Variants in USP54 observed in about 807,000 individuals in gnomAD.
USP54 encodes the protein ubiquitin carboxyl-terminal hydrolase 54.
Under a neutral mutation model 170.5 loss-of-function variants are expected in USP54, and 87 were observed. The ratio of observed to expected loss-of-function variants is 0.51; its 90% CI spans 0.43 to 0.61. The LOEUF (loss-of-function observed/expected upper bound fraction) is 0.61, where lower values mean the gene tolerates loss of function less well. Ranked by LOEUF, USP54 falls within the 20% of genes least tolerant of loss-of-function variation. The probability of loss-of-function intolerance (pLI) is 0.00; values close to 1 mark genes in which losing one functional copy is unlikely to be tolerated. For synonymous variants in USP54, 655 were observed against 742.8 expected, an observed-to-expected ratio of 0.88 and a Z score of 1.92; for missense variants, 1,786 against 2,047.8, an observed-to-expected ratio of 0.87 and a Z score of 2.47.
intron 1 of USP54, among the ~76,000 whole-genome samples, chr10:73,601,185 T>C (rs1223268777): frequency 6.6e-6 from 1 of 152,112 alleles, no homozygotes; most frequent in Non-Finnish European, 1.5e-5. Context: ...ACAGAAGTCT[T>C]CTAATGTGGG....
upstream of USP54, among the ~76,000 whole-genome samples, chr10:73,591,888 T>A (rs1225787709): frequency 1.3e-5 from 2 of 152,178 alleles, no homozygotes. Flanking sequence ...ATCAAATCAT[T>A]TTAATAGGCA....
chr10:73,584,966 ATCCTACATG>A (rs1432906131), intron 1 of USP54, among the ~76,000 whole-genome samples: 2 of 152,150 alleles, frequency 1.3e-5, no homozygotes, highest in Non-Finnish European at 2.9e-5. Context: ...CAGTCCTCTA[ATCCTACATG>A]TCACTACCAC....
chr10:73,613,842 T>G (rs1284850181), intron 1 of USP54: 2 of 150,948 alleles, frequency 1.3e-5, no homozygotes, highest in African/African-American at 4.9e-5. Context: ...ATTGTGCCAC[T>G]GCACTCCAGC....
At chr10:73,528,074 T>C (rs1475587198) in intron 15 of USP54, among the ~76,000 whole-genome samples, 1 of 151,894 alleles carries the variant, frequency 6.6e-6, no homozygotes, top group Non-Finnish European at 1.5e-5. Flanking sequence ...TAGCTGGGAC[T>C]AGAGGTGCGC....
At chr10:73,545,434 T>C (rs2067573401) in intron 5 of USP54, 104 bp downstream of exon 5, 1 of 1,428,266 alleles carries the variant, frequency 7.0e-7, no homozygotes, top group East Asian at 2.3e-5. Flanking sequence ...GTTCTAACTG[T>C]AGAGATAAGG....
chr10:73,541,757 A>G lies in USP54; in HGVS notation c.573-19T>C. The G allele has an allele frequency of 6.2e-7, 1 of 1,608,596 alleles. No individual in the cohort carries two copies. The highest frequency in any genetic ancestry group is 8.5e-7 in the Non-Finnish European group (1 of 1,175,188). On this transcript the variant is annotated intron_variant, in intron 7 of 23. Coordinates refer to ENST00000687698, the MANE Select transcript of USP54 (RefSeq NM_001391956.1). ...CTGATTGCTTCAAGATGGGGAATAGAAGGGGGATGATGGTTTGTATTTAGT... is the reference window on the plus strand; with the variant it reads ...CTGATTGCTTCAAGATGGGGAATAGGAGGGGGATGATGGTTTGTATTTAGT...
At chr10:73,513,791 TG>T (rs1041109660) in intron 20 of USP54, among the ~76,000 whole-genome samples, 26 of 152,170 alleles carry the variant, frequency 1.7e-4, no homozygotes, top group Non-Finnish European at 1.9e-4. Flanking sequence ...TGAAAAATGT[TG>T]CTATTTTGGG....
chr10:73,531,525 T>C (rs1052366336), intron 12 of USP54, among the ~76,000 whole-genome samples: 3 of 152,368 alleles, frequency 2.0e-5, no homozygotes, highest in Middle Eastern at 3.4e-3. Flanking sequence ...TTTTATTTAT[T>C]TAGCAACACA....
At chr10:73,619,215 A>T (rs2080891809) in intron 1 of USP54, among the ~76,000 whole-genome samples, 1 of 150,054 alleles carries the variant, frequency 6.7e-6, no homozygotes, top group Admixed American at 6.6e-5. Context: ...ACAAACAACA[A>T]AACTGCATGT....
At chr10:73,569,093 G>A (rs2074460650) in intron 4 of USP54, among the ~76,000 whole-genome samples, 1 of 152,178 alleles carries the variant, frequency 6.6e-6, no homozygotes, top group Non-Finnish European at 1.5e-5. Context: ...TCTTGGTACA[G>A]ACAAGAGTTT....
chr10:73,600,026 C>T (rs530569036), intron 1 of USP54, among the ~76,000 whole-genome samples: 37 of 151,842 alleles, frequency 2.4e-4, no homozygotes, highest in African/African-American at 8.2e-4. Flanking sequence ...CTCAACCTCC[C>T]GAGTTGCTGG....
At chr10:73,622,427 G>A (rs1485903032) in intron 1 of USP54, among the ~76,000 whole-genome samples, 2 of 151,908 alleles carry the variant, frequency 1.3e-5, no homozygotes, top group African/African-American at 2.4e-5. Context: ...GGGTTCAAGC[G>A]ATTCTCCTGC....
In USP54 at chr10:73,541,453, C is replaced by T. The variant is rs761621569; in HGVS notation, c.747G>A (p.Gly249=). The change falls in exon 9 of 24, where the codon GGG becomes GGA. Residue 249 remains glycine, a synonymous_variant. Transcript: ENST00000687698. ...LMNAPQIITI[G]LVWDSDHSDL... ...CTGAGTGGTCTGAGTCCCATACCAG[C>T]CCAATCGTGATAATCTGTGGAGCAT... The T allele has an allele frequency of 1.2e-5, 19 of 1,614,034 alleles. No homozygotes were observed. The highest frequency in any genetic ancestry group is 1.5e-5 in the Non-Finnish European group (18 of 1,180,028).
chr10:73,575,983 G>A lies in USP54; in HGVS notation c.-203C>T, dbSNP rs529355759. ...TGAACAGCCTCCATAAAGTCCTGGT[G>A]AAGTGGATGTAATTCTCAACTCCAA... is the stretch of plus-strand genomic sequence containing the variant. On this transcript the variant is annotated 5_prime_UTR_variant, in exon 2 of 24. Coordinates refer to ENST00000687698, the MANE Select transcript of USP54 (RefSeq NM_001391956.1). The A allele has an allele frequency of 5.9e-5, 10 of 170,758 alleles. No individual in the cohort carries two copies. The highest frequency in any genetic ancestry group is 2.6e-3 in the Middle Eastern group (1 of 378). The allele number at this position is 170,758 out of a possible 1,614,324, so 10.6% of individuals were successfully genotyped here.
At chr10:73,574,098 A>G (rs569417530) in intron 3 of USP54, among the ~76,000 whole-genome samples, 1 of 152,338 alleles carries the variant, frequency 6.6e-6, no homozygotes, top group East Asian at 1.9e-4. Context: ...AGAGAAAGTA[A>G]TTACTTGAAA....
Position 73,575,778 on chromosome 10 carries a change from G to T in USP54, c.-18+20C>A. On this transcript the variant is annotated intron_variant, in intron 2 of 23. Coordinates refer to ENST00000687698, the MANE Select transcript of USP54 (RefSeq NM_001391956.1). ...TCCAGAATTTAGTGAATTTATTTTGGAAGATTTTGACTTTACCACCTTCCA... is the reference window on the plus strand; with the variant it reads ...TCCAGAATTTAGTGAATTTATTTTGTAAGATTTTGACTTTACCACCTTCCA... The T allele has an allele frequency of 7.6e-7, 1 of 1,318,440 alleles. No homozygotes were observed. The highest frequency in any genetic ancestry group is 2.4e-5 in the East Asian group (1 of 41,592). The allele number at this position is 1,318,440 out of a possible 1,614,324, so 81.7% of individuals were successfully genotyped here.
chr10:73,549,007 T>C (rs1272338117), intron 4 of USP54, among the ~76,000 whole-genome samples: 1 of 152,198 alleles, frequency 6.6e-6, no homozygotes, highest in Non-Finnish European at 1.5e-5. Context: ...CCCACCAACC[T>C]TGAGTGGTCA....
rs556247764 is a variant in USP54, at chr10:73,539,393, C to CT, written c.975+50dup. ...GAAACACTAAAGACAAATGATTATT[C>CT]TTTTTTTTTGTAGTCACCAAACACT... On this transcript the variant is annotated intron_variant, in intron 10 of 23. Transcript: ENST00000687698. 2,331 of 1,391,422 alleles carry CT rather than the reference C, an allele frequency of 1.7e-3. 13 individuals carry two copies. The highest frequency in any genetic ancestry group is 1.3e-3 in the South Asian group (73 of 55,746). 86.2% of individuals were successfully genotyped at this position (1,391,422 alleles called of 1,614,324 possible). A position where few individuals can be genotyped will look rare whatever the true frequency, so the allele number is the denominator to read the frequency against.
At chr10:73,523,995 C>T (rs969640984) in intron 16 of USP54, among the ~76,000 whole-genome samples, 12 of 150,738 alleles carry the variant, frequency 8.0e-5, no homozygotes, top group Middle Eastern at 3.4e-3. Flanking sequence ...GCAACCTCCG[C>T]CTCCCGGGTT....
Sources: allele counts gnomAD v4.1 joint callset (sites outside exome capture counted in the v4.1 genomes callset), GRCh38; gene constraint gnomAD v4.1.1; transcripts MANE v1.5; gene names NCBI Gene and HGNC (gene_info 2026-07-23, HGNC 2026-07-21).